Variants in LRRC3C observed in about 807,000 individuals in gnomAD.
The protein encoded by LRRC3C is leucine-rich repeat-containing protein 3C.
In LRRC3C, 11 loss-of-function variants were observed where a neutral mutation model predicts 14.8. That is an observed-to-expected ratio of 0.74 (90% confidence interval 0.47 to 1.23). The LOEUF (loss-of-function observed/expected upper bound fraction) is 1.23, where lower values mean the gene tolerates loss of function less well. Among genes scored for constraint, LRRC3C ranks in the 50% most tolerant of loss-of-function variants. The pLI is 0.00. For missense variants in LRRC3C, 354 were observed against 361.8 expected (o/e 0.98, Z 0.18); for synonymous variants, 149 against 161.5 (o/e 0.92, Z 0.59).
At chr17:39,932,468 C>CT (rs1978674810) in intron 1 of LRRC3C, among the ~76,000 whole-genome samples, 1 of 151,970 alleles carries the variant, frequency 6.6e-6, no homozygotes, top group African/African-American at 2.4e-5. Flanking sequence ...CTTTGGGAAG[C>CT]TGAGGCGGGA....
At position 39,943,833 on chromosome 17, in the gene LRRC3C, CA is replaced by C. The variant is rs1216336806; in HGVS notation, c.27-95del. On this transcript the variant is annotated intron_variant, in intron 3 of 3. Coordinates refer to ENST00000377924, the MANE Select transcript of LRRC3C (RefSeq NM_001195545.2). ...AGCCCCCAGAGAAGAGGCCCCAGCC[CA>C]AAAAGACTCCCCAGAGGGACCTCGG... is the stretch of plus-strand genomic sequence containing the variant. The C allele has an allele frequency of 9.9e-6, 12 of 1,217,348 alleles. No homozygotes were observed. The Admixed American group carries it at 2.4e-4, about 25-fold the overall frequency. 75.4% of individuals were successfully genotyped at this position (1,217,348 alleles called of 1,614,324 possible). A position where few individuals can be genotyped will look rare whatever the true frequency, so the allele number is the denominator to read the frequency against.
rs1363827636 is a variant in LRRC3C, at chr17:39,944,634, A to G, written c.728A>G (p.Tyr243Cys). The change falls in exon 4 of 4, where the codon TAT (tyrosine) becomes TGT (cysteine). Residue 243 changes from tyrosine to cysteine, a missense_variant. By Grantham distance (194) the Tyr-to-Cys change is radical. Coordinates refer to ENST00000377924, the MANE Select transcript of LRRC3C (RefSeq NM_001195545.2). ...CTCATGGTGGCTTATCTGGTGCATT[A>G]TGTGTGGCAGAACCGAGATGAGACC... The part of the protein sequence containing the change: ...LTLMVAYLVH[Y>C]VWQNRDETRR... 4 of 1,535,670 alleles carry G rather than the reference A, an allele frequency of 2.6e-6. No individual in the cohort carries two copies. Among genetic ancestry groups the G allele is most frequent in the South Asian group, 1.2e-5 (1 of 84,038 alleles).
intron 2 of LRRC3C, 29 bp from the exon 3 acceptor site, chr17:39,941,414 C>A (rs1279330781): frequency 1.1e-5 from 8 of 744,318 alleles, no homozygotes; most frequent in African/African-American, 1.1e-4. Context: ...GACCCCCCCA[C>A]ACACACCCCA....
intron 2 of LRRC3C, among the ~76,000 whole-genome samples, chr17:39,938,295 G>A (rs1001523729): frequency 6.6e-6 from 1 of 152,166 alleles, no homozygotes. Flanking sequence ...GGCAGTTGCT[G>A]GTGTTGGTTG....
intron 2 of LRRC3C, among the ~76,000 whole-genome samples, chr17:39,940,417 A>G (rs893078387): frequency 6.6e-6 from 1 of 151,850 alleles, no homozygotes; most frequent in Non-Finnish European, 1.5e-5. Flanking sequence ...ATTCTTTTTT[A>G]TTTTTATTTT....
At chr17:39,936,391 G>A (rs1168714606) in intron 2 of LRRC3C, among the ~76,000 whole-genome samples, 4 of 152,196 alleles carry the variant, frequency 2.6e-5, no homozygotes, top group Admixed American at 2.0e-4. Flanking sequence ...CCCATGCCAT[G>A]TGTCCCTCAG....
chr17:39,938,404 T>C (rs1051589168), intron 2 of LRRC3C, among the ~76,000 whole-genome samples: 1 of 150,740 alleles, frequency 6.6e-6, no homozygotes, highest in African/African-American at 2.4e-5. Flanking sequence ...GTTGACCCTT[T>C]CATGTTCAAA....
chr17:39,944,587 C>T lies in LRRC3C; in HGVS notation c.681C>T (p.Val227=). 1 of 1,534,804 alleles carries T rather than the reference C, an allele frequency of 6.5e-7. No individual in the cohort carries two copies. The highest frequency in any genetic ancestry group is 8.7e-7 in the Non-Finnish European group (1 of 1,146,326). The change falls in exon 4 of 4, where the codon GTC becomes GTT. Residue 227 remains valine (V), a synonymous_variant. Coordinates refer to ENST00000377924, the MANE Select transcript of LRRC3C (RefSeq NM_001195545.2). The part of the protein sequence containing the change: ...ARRSTDVALL[V]TMGGWLTLMV... ...GGAGCACCGATGTGGCCCTGCTGGT[C>T]ACCATGGGGGGCTGGCTGACACTCA...
At chr17:39,930,894 C>A (rs1302146248) in intron 1 of LRRC3C, among the ~76,000 whole-genome samples, 3 of 150,494 alleles carry the variant, frequency 2.0e-5, no homozygotes, top group Non-Finnish European at 4.4e-5. Flanking sequence ...GTAATCCCAG[C>A]ACTTTGGGAG....
At chr17:39,941,707 G>A (rs960306761) in intron 3 of LRRC3C, among the ~76,000 whole-genome samples, 158 bp downstream of exon 3, 2 of 152,156 alleles carry the variant, frequency 1.3e-5, no homozygotes, top group Admixed American at 6.5e-5. Context: ...ATGTGTGGCA[G>A]AGAGGCACAG....
intron 2 of LRRC3C, among the ~76,000 whole-genome samples, chr17:39,937,669 A>C (rs1181890459): frequency 1.3e-5 from 2 of 152,150 alleles, no homozygotes; most frequent in South Asian, 2.1e-4. Context: ...TGATTAACCC[A>C]GCCTTGAAAG....
In LRRC3C at chr17:39,927,750, C is replaced by G. The variant is rs1333555446; in HGVS notation, c.-239C>G. The G allele has an allele frequency of 3.0e-6, 3 of 985,508 alleles. No homozygotes were observed. In the South Asian group the frequency reaches 1.4e-4, roughly 46 times the overall value. 61.0% of individuals were successfully genotyped at this position (985,508 alleles called of 1,614,324 possible). On this transcript the variant is annotated 5_prime_UTR_variant, in exon 1 of 4. Coordinates refer to ENST00000377924, the MANE Select transcript of LRRC3C (RefSeq NM_001195545.2). Reference sequence around the variant, plus strand: ...TTTTCCTGGGCTCCGTTCCCGGCCTCTTCGGGGACGCACGGTTGGAAGTTG... The same window carrying G: ...TTTTCCTGGGCTCCGTTCCCGGCCTGTTCGGGGACGCACGGTTGGAAGTTG...
chr17:39,930,056 A>G (rs1978602379), intron 1 of LRRC3C, among the ~76,000 whole-genome samples: 1 of 151,934 alleles, frequency 6.6e-6, no homozygotes, highest in Non-Finnish European at 1.5e-5. Flanking sequence ...TTGAGAGGCC[A>G]AGGCTTGTGT....
intron 2 of LRRC3C, among the ~76,000 whole-genome samples, chr17:39,936,693 C>A (rs1978807265): frequency 6.6e-6 from 1 of 150,438 alleles, no homozygotes; most frequent in African/African-American, 2.4e-5. Flanking sequence ...GCATGCACCT[C>A]TGGTTGTAAT....
Position 39,944,117 on chromosome 17 carries a change from A to G in LRRC3C, c.211A>G (p.Ser71Gly). The G allele has an allele frequency of 2.0e-6, 3 of 1,536,200 alleles. No individual in the cohort carries two copies. Among genetic ancestry groups the G allele is most frequent in the South Asian group, 2.4e-5 (2 of 84,058 alleles). ...RTFRCSQAGL[S>G]AVPSGIPNDT... Reference sequence around the variant, plus strand: ...GTTCCGCTGCAGCCAGGCAGGCCTCAGTGCTGTGCCCTCCGGCATCCCCAA... The same window carrying G: ...GTTCCGCTGCAGCCAGGCAGGCCTCGGTGCTGTGCCCTCCGGCATCCCCAA... The change falls in exon 4 of 4, where the codon AGT (serine) becomes GGT (glycine). Residue 71 changes from serine to glycine, a missense_variant. Ser to Gly is a moderately conservative substitution (Grantham distance 56). Transcript: ENST00000377924.
At chr17:39,929,451 T>C (rs1168962599) in intron 1 of LRRC3C, 1 of 152,228 alleles carries the variant, frequency 6.6e-6, no homozygotes, top group Non-Finnish European at 1.5e-5. Flanking sequence ...TTCTGCTTTA[T>C]TTAGCGGGAG....
intron 1 of LRRC3C, among the ~76,000 whole-genome samples, chr17:39,930,277 C>CAAAAAAAAA (rs61165669): frequency 1.7e-5 from 1 of 57,566 alleles, no homozygotes; most frequent in Non-Finnish European, 3.0e-5. Context: ...GATCCTGTCT[C>CAAAAAAAAA]AAAAAAAAAA....
chr17:39,939,655 G>C (rs1978887747), intron 2 of LRRC3C: 1 of 152,368 alleles, frequency 6.6e-6, no homozygotes, highest in African/African-American at 2.4e-5. Flanking sequence ...AAGGCTCACA[G>C]GAAATCCTCA....
rs377299053 is a variant in LRRC3C at position 39,937,403 on chromosome 17, TC to T, written c.-82+1511del. Among the ~76,000 whole-genome samples, 1,299 of 152,244 alleles carry T rather than the reference TC, an allele frequency of 8.5e-3. 10 individuals carry two copies. Among genetic ancestry groups the T allele is most frequent in the African/African-American group, 0.03 (1,234 of 41,534 alleles). ...GTGAGCTGAGATCATGCCATTGCAC[TC>T]CAGCCTGGGCAACAAGAGTGAAACT... On this transcript the variant is annotated intron_variant, in intron 2 of 3. Coordinates refer to ENST00000377924, the MANE Select transcript of LRRC3C (RefSeq NM_001195545.2).
Sources: allele counts gnomAD v4.1 joint callset (sites outside exome capture counted in the v4.1 genomes callset), GRCh38; gene constraint gnomAD v4.1.1; transcripts MANE v1.5; gene names NCBI Gene and HGNC (gene_info 2026-07-23, HGNC 2026-07-21).